Variants in DPYSL4 observed in about 807,000 individuals in gnomAD.
The protein encoded by DPYSL4 is dihydropyrimidinase like 4.
In DPYSL4, 43 loss-of-function variants were observed where a neutral mutation model predicts 63.4. The observed-to-expected ratio is 0.68, with a 90% CI of 0.53 to 0.88. DPYSL4 has a LOEUF of 0.88. Ranked by LOEUF, DPYSL4 falls within the 40% of genes least tolerant of loss-of-function variation. The pLI, the probability that DPYSL4 is intolerant of heterozygous loss-of-function variation, is 0.00. For missense variants in DPYSL4, 733 were observed against 819.5 expected (o/e 0.89, Z 1.29); for synonymous variants, 353 against 331.7 (o/e 1.06, Z -0.70).
intron 12 of DPYSL4, chr10:132,203,466 C>A: frequency 2.2e-6 from 1 of 452,346 alleles, no homozygotes; most frequent in Non-Finnish European, 4.0e-6. Context: ...GGAGGTTGAG[C>A]ATGTGCACCT....
chr10:132,201,262 T>TG (rs1275159689), intron 10 of DPYSL4, among the ~76,000 whole-genome samples: 1 of 152,060 alleles, frequency 6.6e-6, no homozygotes, highest in African/African-American at 2.4e-5. Context: ...GGGGTCAGCA[T>TG]GGGGTCTCCA....
chr10:132,192,990 G>A, intron 3 of DPYSL4, 148 bp downstream of exon 3: 1 of 795,426 alleles, frequency 1.3e-6, no homozygotes, highest in Non-Finnish European at 1.9e-6. Context: ...AACCTGGAGT[G>A]CTTTTCTAAT....
At position 132,192,674 on chromosome 10, in the gene DPYSL4, C is replaced by A; in HGVS notation, c.145C>A (p.Leu49Ile). 1 of 1,605,266 alleles carries A rather than the reference C, an allele frequency of 6.2e-7. No homozygotes were observed. Among genetic ancestry groups the A allele is most frequent in the South Asian group, 1.1e-5 (1 of 89,886 alleles). ...TGCTTTCAGACAAATCGGAGAAAACCTCATCGTCCCTGGGGGCATCAAGAC... is the reference window on the plus strand; with the variant it reads ...TGCTTTCAGACAAATCGGAGAAAACATCATCGTCCCTGGGGGCATCAAGAC... ...DGLIKQIGENLIVPGGIKTID... is the reference protein window; with the variant it reads ...DGLIKQIGENIIVPGGIKTID... The change falls in exon 3 of 14, where the codon CTC becomes ATC. Residue 49 changes from leucine (L) to isoleucine (I), a missense_variant. Coordinates refer to ENST00000338492, the MANE Select transcript of DPYSL4 (RefSeq NM_006426.3).
At chr10:132,195,375 C>T (rs2061929963) in intron 4 of DPYSL4, among the ~76,000 whole-genome samples, 1 of 152,202 alleles carries the variant, frequency 6.6e-6, no homozygotes, top group Non-Finnish European at 1.5e-5. Context: ...TTTGTTGTCA[C>T]CAATGCTAAA....
At chr10:132,204,306 G>A (rs1324393292) in intron 13 of DPYSL4, among the ~76,000 whole-genome samples, 2 of 152,310 alleles carry the variant, frequency 1.3e-5, no homozygotes, top group East Asian at 1.9e-4. Context: ...AACCAAGCGT[G>A]AGGCACAAGG....
In DPYSL4 at chr10:132,195,743, G is replaced by A. The variant is rs534008979; in HGVS notation, c.478+734G>A. Among the ~76,000 whole-genome samples the A allele has an allele frequency of 7.4e-4, 113 of 152,366 alleles. 1 individual carries two copies. Among genetic ancestry groups the A allele is most frequent in the African/African-American group, 2.6e-3 (110 of 41,592 alleles). On this transcript the variant is annotated intron_variant, in intron 4 of 13. Transcript: ENST00000338492. ...TCAGGACCCCTCACCTCCCTGCCCG[G>A]GGGCTGGTGGAGCCCGTCAATCCTC...
chr10:132,201,560 C>T (rs778439001), intron 10 of DPYSL4, among the ~76,000 whole-genome samples: 2 of 152,252 alleles, frequency 1.3e-5, no homozygotes, highest in Non-Finnish European at 2.9e-5. Flanking sequence ...GCAGGCATCA[C>T]TGAGATGGGC....
At position 132,190,779 on chromosome 10, in the gene DPYSL4, C is replaced by T. The variant is rs750692941; in HGVS notation, c.72C>T (p.Ile24=). The T allele has an allele frequency of 5.0e-6, 8 of 1,613,694 alleles. No individual in the cohort carries two copies. Among genetic ancestry groups the T allele is most frequent in the Middle Eastern group, 1.7e-4 (1 of 6,060 alleles). ...GCCTTCTGATCAGAGGTGGGAGGAT[C>T]GTGAATGACGACCAGTCCTTTTACG... is the stretch of plus-strand genomic sequence containing the variant. ...SDRLLIRGGR[I]VNDDQSFYAD... is the part of the protein sequence containing the mutation. The change falls in exon 2 of 14, where the codon ATC becomes ATT. Residue 24 remains isoleucine (I), a synonymous_variant. Transcript: ENST00000338492.
chr10:132,200,432 C>T lies in DPYSL4; in HGVS notation c.888C>T (p.Ala296=), dbSNP rs1320883856. 1.2e-6 allele frequency: 2 copies of T among 1,613,626 alleles called. No individual in the cohort carries two copies. Among genetic ancestry groups the T allele is most frequent in the Non-Finnish European group, 1.7e-6 (2 of 1,179,936 alleles). ...CACACTACTGGAGCAAGAACTGGGCCAAGGCCGCAGCCTTCGTCACATCAC... is the reference window on the plus strand; with the variant it reads ...CACACTACTGGAGCAAGAACTGGGCTAAGGCCGCAGCCTTCGTCACATCAC... The part of the protein sequence containing the change: ...DGSHYWSKNW[A]KAAAFVTSPP... The change falls in exon 9 of 14, where the codon GCC becomes GCT. Residue 296 remains alanine, a synonymous_variant. Transcript: ENST00000338492.
chr10:132,203,295 C>A (rs1452416658), intron 12 of DPYSL4, among the ~76,000 whole-genome samples: 1 of 152,142 alleles, frequency 6.6e-6, no homozygotes, highest in Non-Finnish European at 1.5e-5. Flanking sequence ...CCCCCCATGG[C>A]CTTCCAGTCT....
Position 132,204,273 on chromosome 10 carries a change from G to A in DPYSL4, c.1627+346G>A, listed in dbSNP as rs374483935. Among the ~76,000 whole-genome samples the A allele has an allele frequency of 2.2e-4, 34 of 152,306 alleles. No homozygotes were observed. The South Asian group carries it at 6.6e-3, about 30-fold the overall frequency. ...GGATCTCAGGATCATGTGGAATCCA[G>A]GTCCCCACCCAGCAGGCCCCAGAAC... On this transcript the variant is annotated intron_variant, in intron 13 of 13. Transcript: ENST00000338492.
chr10:132,200,745 CT>C, intron 9 of DPYSL4, 96 bp from the exon 10 acceptor site: 1 of 1,506,484 alleles, frequency 6.6e-7, no homozygotes, highest in Non-Finnish European at 8.9e-7. Flanking sequence ...CAGATGACCT[CT>C]AGCCCCTGCG....
chr10:132,199,739 C>G (rs943192253), intron 8 of DPYSL4, among the ~76,000 whole-genome samples: 4 of 151,948 alleles, frequency 2.6e-5, no homozygotes, highest in African/African-American at 4.8e-5. Flanking sequence ...TTTCCTGCAT[C>G]GAGGGTTGAA....
chr10:132,201,006 C>T (rs772924416), intron 10 of DPYSL4, 23 bp downstream of exon 10: 13 of 1,610,048 alleles, frequency 8.1e-6, no homozygotes, highest in Non-Finnish European at 4.2e-6. Flanking sequence ...CTGGCCGGGG[C>T]ACGCCGTCTG....
At chr10:132,195,061 C>T (rs772826411) in intron 4 of DPYSL4, 52 bp downstream of exon 4, 2 of 1,563,398 alleles carry the variant, frequency 1.3e-6, no homozygotes, top group East Asian at 2.3e-5. Flanking sequence ...GGTGGAGGAG[C>T]CTCTGCCCTG....
chr10:132,203,000 G>A (rs1478720518), intron 12 of DPYSL4, among the ~76,000 whole-genome samples, 175 bp downstream of exon 12: 1 of 152,236 alleles, frequency 6.6e-6, no homozygotes, highest in Non-Finnish European at 1.5e-5. Context: ...CCTGCTCCCG[G>A]AAGATGGCAG....
intron 1 of DPYSL4, among the ~76,000 whole-genome samples, chr10:132,189,919 C>T (rs1409825239): frequency 1.4e-4 from 21 of 152,268 alleles, no homozygotes; most frequent in Admixed American, 1.4e-3. Context: ...TGGGCACCGA[C>T]TTGCCTCTGG....
chr10:132,187,041 T>A lies in DPYSL4; in HGVS notation c.-23T>A. 1.4e-6 allele frequency: 1 copy of A among 717,494 alleles called. No homozygotes were observed. Among genetic ancestry groups the A allele is most frequent in the Non-Finnish European group, 1.8e-6 (1 of 565,182 alleles). 44.4% of individuals were successfully genotyped at this position (717,494 alleles called of 1,614,324 possible). On this transcript the variant is annotated 5_prime_UTR_variant, in exon 1 of 14. Coordinates refer to ENST00000338492, the MANE Select transcript of DPYSL4 (RefSeq NM_006426.3). ...CGCCCGCCCCCGCTTGTGCCGCCCCTACCAGAGACCCCCAGGAGCAGGATG... is the reference window on the plus strand; with the variant it reads ...CGCCCGCCCCCGCTTGTGCCGCCCCAACCAGAGACCCCCAGGAGCAGGATG...
intron 1 of DPYSL4, among the ~76,000 whole-genome samples, chr10:132,189,106 A>T (rs756951174): frequency 6.6e-6 from 1 of 152,250 alleles, no homozygotes; most frequent in Non-Finnish European, 1.5e-5. Flanking sequence ...ACGGTGCGTG[A>T]AGGCTCTAGC....
Sources: allele counts gnomAD v4.1 joint callset (sites outside exome capture counted in the v4.1 genomes callset), GRCh38; gene constraint gnomAD v4.1.1; transcripts MANE v1.5; gene names NCBI Gene and HGNC (gene_info 2026-07-23, HGNC 2026-07-21).